Variants in KREMEN1 observed in about 807,000 individuals in gnomAD.
KREMEN1 encodes the protein kringle containing transmembrane protein 1, also known as kremen protein 1.
In KREMEN1, 30 loss-of-function variants were observed where a neutral mutation model predicts 46.5. The observed-to-expected ratio is 0.65, with a 90% CI of 0.48 to 0.88. KREMEN1 has a LOEUF of 0.88. Ranked by LOEUF, KREMEN1 falls within the 40% of genes least tolerant of loss-of-function variation. KREMEN1 has a pLI of 0.00. For missense variants in KREMEN1, 533 were observed against 596.9 expected, an observed-to-expected ratio of 0.89 and a Z score of 1.11; for synonymous variants, 214 against 230.6, an observed-to-expected ratio of 0.93 and a Z score of 0.65.
intron 1 of KREMEN1, among the ~76,000 whole-genome samples, chr22:29,081,944 C>G (rs1455050080): frequency 6.6e-6 from 1 of 152,176 alleles, no homozygotes; most frequent in Non-Finnish European, 1.5e-5. Context: ...CCATATCAGC[C>G]AAGGGAAACT....
chr22:29,116,883 C>T (rs1005701818), intron 3 of KREMEN1, among the ~76,000 whole-genome samples: 1 of 152,166 alleles, frequency 6.6e-6, no homozygotes, highest in Non-Finnish European at 1.5e-5. Flanking sequence ...AGCCAGGCCC[C>T]TCCACCCCCA....
chr22:29,145,309 G>C lies in KREMEN1; in HGVS notation c.*3197G>C. ...CCTGGGAAAGTCAGTCAGAACCCAT[G>C]GCAGAAGACTGCAGGAGAGGCAGGG... On this transcript the variant is annotated 3_prime_UTR_variant, in exon 9 of 9. Coordinates refer to ENST00000400335, the MANE Select transcript of KREMEN1 (RefSeq NM_001039570.3). 1 of 985,704 alleles carries C rather than the reference G, an allele frequency of 1.0e-6. No homozygotes were observed. The highest frequency in any genetic ancestry group is 4.7e-5 in the South Asian group (1 of 21,290). The allele number at this position is 985,704 out of a possible 1,614,324, so 61.1% of individuals were successfully genotyped here.
At position 29,145,878 on chromosome 22, in the gene KREMEN1, G is replaced by A. The variant is rs939488455; in HGVS notation, c.*3766G>A. 1.2e-5 allele frequency: 12 copies of A among 985,578 alleles called. 1 individual carries two copies. The South Asian group carries it at 2.3e-4, about 19-fold the overall frequency. The allele number at this position is 985,578 out of a possible 1,614,324, so 61.1% of individuals were successfully genotyped here. ...GTCCTGGCCCTCGGGTAGAACCCAC[G>A]GGCGTGCCTGGGTGCGGCTCCACCC... On this transcript the variant is annotated 3_prime_UTR_variant, in exon 9 of 9. Transcript: ENST00000400335.
intron 9 of KREMEN1, among the ~76,000 whole-genome samples, chr22:29,160,559 A>G: frequency 8.6e-6 from 1 of 116,312 alleles, no homozygotes; most frequent in East Asian, 2.6e-4. Flanking sequence ...AAAAAAAAAA[A>G]AAAATTAAGA....
At position 29,104,371 on chromosome 22, in the gene KREMEN1, G is replaced by A. The variant is rs373716222; in HGVS notation, c.352+5418G>A. Among the ~76,000 whole-genome samples the A allele has an allele frequency of 2.3e-4, 35 of 151,980 alleles. No homozygotes were observed. In the South Asian group the frequency reaches 5.4e-3, roughly 24 times the overall value. On this transcript the variant is annotated intron_variant, in intron 3 of 8. Transcript: ENST00000400335. ...AGGGTTTTGCCATGTTCCCCTAGCC[G>A]GTCTCATACTCCTGGGCTCAGCAAT...
chr22:29,166,510 CA>C (rs2039053848), intron 9 of KREMEN1, among the ~76,000 whole-genome samples: 2 of 152,168 alleles, frequency 1.3e-5, no homozygotes, highest in Non-Finnish European at 2.9e-5. Flanking sequence ...TACAAAAGCC[CA>C]AATTAAGGAA....
intron 1 of KREMEN1, among the ~76,000 whole-genome samples, chr22:29,078,494 A>AAAAAG (rs377326799): frequency 4.1e-5 from 6 of 147,554 alleles, no homozygotes; most frequent in African/African-American, 1.5e-4. Flanking sequence ...AAAAAAAAAA[A>AAAAAG]AAGAAGAAGA....
intron 7 of KREMEN1, 94 bp from the exon 8 acceptor site, chr22:29,140,187 CT>C: frequency 1.1e-6 from 1 of 924,016 alleles, no homozygotes; most frequent in South Asian, 1.4e-5. Flanking sequence ...CAGGGAGCCC[CT>C]CAGCCAGACT....
chr22:29,140,141 G>T (rs2038737485), intron 7 of KREMEN1, 141 bp from the exon 8 acceptor site: 9 of 662,414 alleles, frequency 1.4e-5, no homozygotes, highest in Non-Finnish European at 2.2e-5. Flanking sequence ...CTGCTCCTGA[G>T]GCTAGGTTTG....
At chr22:29,130,708 A>G (rs774417807) in intron 5 of KREMEN1, among the ~76,000 whole-genome samples, 2 of 152,212 alleles carry the variant, frequency 1.3e-5, no homozygotes, top group Admixed American at 6.5e-5. Flanking sequence ...CTTCTTCCCA[A>G]AGAAATGGAC....
chr22:29,125,506 A>G, intron 5 of KREMEN1, 90 bp downstream of exon 5: 2 of 1,258,688 alleles, frequency 1.6e-6, no homozygotes, highest in Non-Finnish European at 2.2e-6. Context: ...CCTTCTATGT[A>G]TTCATTCATT....
chr22:29,142,249 C>T lies in KREMEN1; in HGVS notation c.*137C>T. 1 of 1,372,256 alleles carries T rather than the reference C, an allele frequency of 7.3e-7. No homozygotes were observed. The highest frequency in any genetic ancestry group is 1.5e-5 in the African/African-American group (1 of 67,336). 85.0% of individuals were successfully genotyped at this position (1,372,256 alleles called of 1,614,324 possible). A position where few individuals can be genotyped will look rare whatever the true frequency, so the allele number is the denominator to read the frequency against. Reference sequence around the variant, plus strand: ...CGGCCTCTTCGGGGAAACCCTCCTCCTACAGACTAGGAAGAGGCACCCTGC... The same window carrying T: ...CGGCCTCTTCGGGGAAACCCTCCTCTTACAGACTAGGAAGAGGCACCCTGC... On this transcript the variant is annotated 3_prime_UTR_variant, in exon 9 of 9. Transcript: ENST00000400335.
At chr22:29,110,366 A>G (rs953135865) in intron 3 of KREMEN1, among the ~76,000 whole-genome samples, 1 of 152,254 alleles carries the variant, frequency 6.6e-6, no homozygotes, top group Non-Finnish European at 1.5e-5. Flanking sequence ...ACCACATTCT[A>G]TGGATCAAAG....
At chr22:29,165,566 G>A (rs1356498478) in intron 9 of KREMEN1, among the ~76,000 whole-genome samples, 2 of 152,184 alleles carry the variant, frequency 1.3e-5, no homozygotes, top group Non-Finnish European at 2.9e-5. Context: ...CGCCCACCAC[G>A]TGTTACTTCA....
At chr22:29,121,611 T>A (rs991721110) in intron 4 of KREMEN1, 130 bp downstream of exon 4, 2 of 1,037,048 alleles carry the variant, frequency 1.9e-6, no homozygotes, top group Middle Eastern at 4.9e-4. Context: ...ATGATTCCAC[T>A]TACATGAATT....
chr22:29,148,701 C>T (rs1018620373), downstream of KREMEN1, among the ~76,000 whole-genome samples: 5 of 151,974 alleles, frequency 3.3e-5, no homozygotes, highest in Non-Finnish European at 7.4e-5. Flanking sequence ...GTGATCCGCC[C>T]GCCTCGGCCT....
At chr22:29,093,030 C>G (rs2037827034) in intron 1 of KREMEN1, among the ~76,000 whole-genome samples, 1 of 152,074 alleles carries the variant, frequency 6.6e-6, no homozygotes, top group African/African-American at 2.4e-5. Flanking sequence ...GGTGGACATT[C>G]AGATTATTTT....
At chr22:29,090,447 A>G (rs2037788372) in intron 1 of KREMEN1, among the ~76,000 whole-genome samples, 1 of 152,164 alleles carries the variant, frequency 6.6e-6, no homozygotes, top group Non-Finnish European at 1.5e-5. Flanking sequence ...TGATGAAATA[A>G]TCTGTACAAC....
Position 29,125,280 on chromosome 22 carries a change from A to G in KREMEN1, c.495A>G (p.Ser165=). The G allele has an allele frequency of 6.2e-7, 1 of 1,614,162 alleles. No individual in the cohort carries two copies. Among genetic ancestry groups the G allele is most frequent in the African/African-American group, 1.3e-5 (1 of 75,044 alleles). The change falls in exon 5 of 9, where the codon TCA becomes TCG. Residue 165 remains serine (S), a synonymous_variant. Coordinates refer to ENST00000400335, the MANE Select transcript of KREMEN1 (RefSeq NM_001039570.3). ...TGTGGCAGTTTGCTGGGATGGAGTC[A>G]GGCTATGCTTGCTTCTGTGGAAACA... The part of the protein sequence containing the change: ...SQRFKFAGME[S]GYACFCGNNP...
Sources: allele counts gnomAD v4.1 joint callset (sites outside exome capture counted in the v4.1 genomes callset), GRCh38; gene constraint gnomAD v4.1.1; transcripts MANE v1.5; gene names NCBI Gene and HGNC (gene_info 2026-07-23, HGNC 2026-07-21).